CNTN5: variants seen among roughly 807,000 people sequenced by gnomAD.
The protein encoded by CNTN5 is contactin-5.
In CNTN5, 77 loss-of-function variants were observed where a neutral mutation model predicts 129.1. The ratio of observed to expected loss-of-function variants is 0.60; its 90% confidence interval spans 0.50 to 0.72. The LOEUF (loss-of-function observed/expected upper bound fraction) is 0.72. CNTN5 is among the 30% of genes least tolerant of loss of function. The pLI, the probability that CNTN5 is intolerant of heterozygous loss-of-function variation, is 0.00. For missense variants in CNTN5, 1,478 were observed against 1,328.8 expected (o/e 1.11, Z -1.75); for synonymous variants, 509 against 465.6 (o/e 1.09, Z -1.20).
chr11:99,403,991 C>T (rs1159230593), intron 2 of CNTN5, among the ~76,000 whole-genome samples: 1 of 152,074 alleles, frequency 6.6e-6, no homozygotes, highest in Non-Finnish European at 1.5e-5. Flanking sequence ...GAGTCTATCT[C>T]TGTATTTAGC....
intron 6 of CNTN5, among the ~76,000 whole-genome samples, chr11:99,907,897 T>A (rs140802384): frequency 2.6e-5 from 4 of 152,194 alleles, no homozygotes; most frequent in Admixed American, 2.0e-4. Context: ...TACTTGCTAT[T>A]CATTGTAATA....
chr11:99,880,939 T>C (rs776919061), intron 6 of CNTN5, among the ~76,000 whole-genome samples: 6 of 152,210 alleles, frequency 3.9e-5, no homozygotes, highest in African/African-American at 1.2e-4. Flanking sequence ...ATAAAACTTA[T>C]AAAGTGTACC....
chr11:100,090,825 T>C (rs1006131903), intron 13 of CNTN5, among the ~76,000 whole-genome samples: 2 of 151,956 alleles, frequency 1.3e-5, no homozygotes, highest in Non-Finnish European at 2.9e-5. Context: ...TCTTTTGAAC[T>C]GCTTAAAGTT....
rs574011111 is a variant in CNTN5, at chr11:99,549,792, C to T, written c.-70-6353C>T. Among the ~76,000 whole-genome samples, 8 of 152,240 alleles carry T rather than the reference C, an allele frequency of 5.3e-5. No individual in the cohort carries two copies. In the South Asian group the frequency reaches 1.7e-3, roughly 32 times the overall value. On this transcript the variant is annotated intron_variant, in intron 2 of 24. Coordinates refer to ENST00000524871, the MANE Select transcript of CNTN5 (RefSeq NM_014361.4). ...GTCTTTACCCTGTTCTAATATCAGT[C>T]ACTAGGTGGTAGGAATCACAAACTA...
intron 3 of CNTN5, among the ~76,000 whole-genome samples, chr11:99,784,896 T>C (rs1945460446): frequency 6.7e-6 from 1 of 148,736 alleles, no homozygotes; most frequent in Admixed American, 6.9e-5. Context: ...GCCTCCCAGG[T>C]TCACGCCATT....
chr11:100,340,254 G>A (rs1285822613), intron 21 of CNTN5, among the ~76,000 whole-genome samples: 1 of 152,180 alleles, frequency 6.6e-6, no homozygotes, highest in Non-Finnish European at 1.5e-5. Context: ...GAGTACTGCT[G>A]TAGTGCTGCA....
At chr11:99,345,780 A>C (rs938949554) in intron 2 of CNTN5, among the ~76,000 whole-genome samples, 2 of 152,210 alleles carry the variant, frequency 1.3e-5, no homozygotes, top group African/African-American at 4.8e-5. Flanking sequence ...AATTTTCCTC[A>C]GAATAACTGT....
intron 3 of CNTN5, among the ~76,000 whole-genome samples, chr11:99,648,253 C>T (rs1952035758): frequency 6.6e-6 from 1 of 151,936 alleles, no homozygotes; most frequent in African/African-American, 2.4e-5. Flanking sequence ...ATGAACTAGC[C>T]TTGCATTCCT....
intron 3 of CNTN5, among the ~76,000 whole-genome samples, chr11:99,726,219 C>T (rs1004544319): frequency 6.6e-6 from 1 of 152,160 alleles, no homozygotes; most frequent in African/African-American, 2.4e-5. Flanking sequence ...AAGACAGTAG[C>T]GAGCAGTGGA....
chr11:99,223,665 T>A (rs1860522048), intron 1 of CNTN5, among the ~76,000 whole-genome samples: 1 of 152,298 alleles, frequency 6.6e-6, no homozygotes, highest in South Asian at 2.1e-4. Context: ...GAGGCTCTAA[T>A]TACATAGAAG....
chr11:99,430,291 G>A (rs1454859906), intron 2 of CNTN5, among the ~76,000 whole-genome samples: 3 of 151,784 alleles, frequency 2.0e-5, no homozygotes, highest in South Asian at 2.1e-4. Context: ...TTAAAAAAAC[G>A]AAAGGTTTCA....
At chr11:100,100,584 G>C (rs1411932810) in intron 13 of CNTN5, among the ~76,000 whole-genome samples, 2 of 152,002 alleles carry the variant, frequency 1.3e-5, no homozygotes, top group African/African-American at 4.8e-5. Context: ...GCTGTACCTG[G>C]CTCACAGGAG....
intron 2 of CNTN5, among the ~76,000 whole-genome samples, chr11:99,398,769 G>A (rs1004079893): frequency 6.6e-6 from 1 of 151,708 alleles, no homozygotes; most frequent in Non-Finnish European, 1.5e-5. Flanking sequence ...ACCATCTTTG[G>A]TTGCCTTCAG....
intron 3 of CNTN5, among the ~76,000 whole-genome samples, chr11:99,676,802 A>G (rs1017237294): frequency 6.6e-6 from 1 of 152,212 alleles, no homozygotes; most frequent in Non-Finnish European, 1.5e-5. Flanking sequence ...AACACAAATC[A>G]TTACAAAGGA....
chr11:99,041,120 T>A (rs1325123993), intron 1 of CNTN5, among the ~76,000 whole-genome samples: 3 of 152,170 alleles, frequency 2.0e-5, no homozygotes, highest in African/African-American at 7.2e-5. Context: ...TTTCAGTACA[T>A]TAACTTATGT....
intron 6 of CNTN5, 145 bp downstream of exon 6, chr11:99,845,407 C>T (rs1192546634): frequency 2.5e-6 from 1 of 402,776 alleles, no homozygotes; most frequent in African/African-American, 2.8e-5. Flanking sequence ...GAGTCTCGCT[C>T]TGTCGCCCAG....
chr11:99,462,360 C>CTTTTTTTTTTTTTTTTTTCTTTTT (rs72276833), intron 2 of CNTN5, among the ~76,000 whole-genome samples: 1 of 125,284 alleles, frequency 8.0e-6, no homozygotes, highest in Non-Finnish European at 1.7e-5. Flanking sequence ...CTTTTCTTTT[C>CTTTTTTTTTTTTTTTTTTCTTTTT]TTTTTTTTTT....
At chr11:99,121,980 C>CATAT (rs10673411) in intron 1 of CNTN5, among the ~76,000 whole-genome samples, 7 of 150,874 alleles carry the variant, frequency 4.6e-5, no homozygotes, top group Admixed American at 2.6e-4. Context: ...AATTCTTTTA[C>CATAT]ATATATATAT....
intron 1 of CNTN5, among the ~76,000 whole-genome samples, chr11:99,114,257 T>C (rs186565179): frequency 1.6e-3 from 241 of 152,264 alleles, no homozygotes; most frequent in African/African-American, 3.6e-3. Context: ...TCTGCTAAAA[T>C]TGGATTTACT....
Sources: gnomAD v4.1 joint callset for allele counts (sites outside exome capture counted in the v4.1 genomes callset) on GRCh38, gnomAD v4.1.1 for gene constraint, MANE v1.5 for transcripts, NCBI Gene and HGNC (gene_info 2026-07-23, HGNC 2026-07-21) for gene names.